The following NAP1L4 variants were observed in gnomAD, a reference collection of about 807,000 sequenced individuals.
NAP1L4 encodes the protein nucleosome assembly protein 1-like 4.
A neutral mutation model predicts 58.2 loss-of-function variants in NAP1L4; 15 were observed. That is an observed-to-expected ratio of 0.26 (90% CI 0.17 to 0.40). NAP1L4 has a LOEUF of 0.40. NAP1L4 is among the 10% of genes least tolerant of loss of function. NAP1L4 has a pLI of 1.00. For synonymous variants in NAP1L4, 171 were observed against 155.6 expected (o/e 1.10, Z -0.74); for missense variants, 384 against 451.1 (o/e 0.85, Z 1.35).
chr11:2,982,870 A>C (rs910117401), intron 1 of NAP1L4, among the ~76,000 whole-genome samples: 2 of 152,070 alleles, frequency 1.3e-5, no homozygotes, highest in African/African-American at 4.8e-5. Context: ...AAAATACAAA[A>C]ATTAGCTGGG....
intron 10 of NAP1L4, among the ~76,000 whole-genome samples, chr11:2,956,402 C>T (rs1007788099): frequency 6.6e-6 from 1 of 152,076 alleles, no homozygotes; most frequent in Non-Finnish European, 1.5e-5. Context: ...GTAGAAGATC[C>T]AACCCCCTGA....
At chr11:2,989,698 CA>C (rs1415683710) in intron 1 of NAP1L4, among the ~76,000 whole-genome samples, 1 of 152,182 alleles carries the variant, frequency 6.6e-6, no homozygotes, top group Non-Finnish European at 1.5e-5. Flanking sequence ...GAATAGCTAA[CA>C]AAGGGAATTA....
At position 2,970,853 on chromosome 11, in the gene NAP1L4, C is replaced by CG. The variant is rs1487839450; in HGVS notation, c.402+594_402+595insC. Among the ~76,000 whole-genome samples the CG allele has an allele frequency of 2.1e-4, 23 of 107,638 alleles. 1 individual carries two copies. The South Asian group carries it at 0.01, about 49-fold the overall frequency. 70.6% of individuals were successfully genotyped at this position (107,638 alleles called of 152,430 possible). On this transcript the variant is annotated intron_variant, in intron 6 of 15. Coordinates refer to ENST00000380542, the MANE Select transcript of NAP1L4 (RefSeq NM_005969.4). Reference sequence around the variant, plus strand: ...TACCAAAATCATCATATACCACCCCCCCCCCAAAAAAAAAACTGCAAAAAG... The same window carrying CG: ...TACCAAAATCATCATATACCACCCCCGCCCCCAAAAAAAAAACTGCAAAAAG...
chr11:2,983,518 G>A lies in NAP1L4; in HGVS notation c.-17-4281C>T, dbSNP rs552101746. Among the ~76,000 whole-genome samples the A allele has an allele frequency of 5.9e-5, 9 of 151,788 alleles. 1 individual carries two copies. Among genetic ancestry groups the A allele is most frequent in the South Asian group, 2.1e-4 (1 of 4,802 alleles). ...AGGACAGAGGCACCATGCCCAGCCC[G>A]GCATGTGCTGTTTAATACAATTTTT... is the stretch of plus-strand genomic sequence containing the variant. On this transcript the variant is annotated intron_variant, in intron 1 of 15. Coordinates refer to ENST00000380542, the MANE Select transcript of NAP1L4 (RefSeq NM_005969.4).
At chr11:2,963,760 C>T (rs745515081) in intron 8 of NAP1L4, 5 of 519,184 alleles carry the variant, frequency 9.6e-6, no homozygotes, top group African/African-American at 3.8e-5. Context: ...ACCCACAGCC[C>T]GTCATGCAGC....
At chr11:2,945,934 G>A (rs1364021007) in intron 15 of NAP1L4, among the ~76,000 whole-genome samples, 6 of 152,110 alleles carry the variant, frequency 3.9e-5, no homozygotes, top group African/African-American at 1.4e-4. Context: ...GGAGCTCCAG[G>A]GGCCTGCCCA....
intron 8 of NAP1L4, among the ~76,000 whole-genome samples, chr11:2,960,894 C>A (rs139551466): frequency 3.9e-5 from 6 of 152,292 alleles, no homozygotes; most frequent in African/African-American, 1.2e-4. Flanking sequence ...ACCAGTTCTA[C>A]GCTCAGACAG....
intron 1 of NAP1L4, among the ~76,000 whole-genome samples, chr11:2,987,641 C>T (rs907397132): frequency 1.3e-5 from 2 of 149,308 alleles, no homozygotes; most frequent in African/African-American, 5.1e-5. Flanking sequence ...CCTGTAATCC[C>T]AGCTACTTGG....
intron 4 of NAP1L4, among the ~76,000 whole-genome samples, chr11:2,972,890 G>A (rs982150090): frequency 2.0e-5 from 3 of 152,162 alleles, no homozygotes; most frequent in African/African-American, 7.2e-5. Context: ...AGGATCACTT[G>A]AGTCTGTGAG....
intron 15 of NAP1L4, among the ~76,000 whole-genome samples, chr11:2,947,296 T>C (rs1845985665): frequency 6.6e-6 from 1 of 152,226 alleles, no homozygotes; most frequent in Non-Finnish European, 1.5e-5. Flanking sequence ...GTAGTATTCA[T>C]CTGTCCTAAA....
At chr11:2,945,751 G>C (rs1296567268) in intron 15 of NAP1L4, 105 bp from the exon 16 acceptor site, 67 of 887,668 alleles carry the variant, frequency 7.5e-5, no homozygotes, top group Non-Finnish European at 1.1e-4. Flanking sequence ...CATTCTCATT[G>C]AAAAAAATGG....
rs773977531 is a variant in NAP1L4, at chr11:2,951,843, C to T, written c.1036-34G>A. 3.1e-6 allele frequency: 5 copies of T among 1,606,050 alleles called. No homozygotes were observed. The African/African-American group carries it at 5.4e-5, about 17-fold the overall frequency. ...ACACAGAAAAACATTTTTAGGTTTA[C>T]AAAACATGACAGCAGCCTGCCCAAG... On this transcript the variant is annotated intron_variant, in intron 12 of 15. Coordinates refer to ENST00000380542, the MANE Select transcript of NAP1L4 (RefSeq NM_005969.4). The surrounding 1 kb of genome is among the most constrained non-coding windows in gnomAD (Gnocchi z 4.0).
chr11:2,984,558 C>T (rs1172773606), intron 1 of NAP1L4, among the ~76,000 whole-genome samples: 2 of 152,156 alleles, frequency 1.3e-5, no homozygotes, highest in African/African-American at 2.4e-5. Flanking sequence ...GCAACAAGAG[C>T]GAAACTCTGT....
intron 7 of NAP1L4, among the ~76,000 whole-genome samples, chr11:2,969,284 T>C (rs932619852): frequency 6.6e-6 from 1 of 151,950 alleles, no homozygotes. Context: ...GCCTCTTTTT[T>C]TAAAAAAAAT....
intron 4 of NAP1L4, among the ~76,000 whole-genome samples, chr11:2,975,097 G>A (rs1029789491): frequency 2.6e-5 from 4 of 151,568 alleles, no homozygotes; most frequent in Non-Finnish European, 5.9e-5. Flanking sequence ...GGGCCTCCTG[G>A]GAGACCAAGC....
At chr11:2,961,198 C>T (rs898913571) in intron 8 of NAP1L4, among the ~76,000 whole-genome samples, 1 of 151,966 alleles carries the variant, frequency 6.6e-6, no homozygotes. Context: ...ACCACTTGCA[C>T]AAAGGAGAAG....
intron 12 of NAP1L4, among the ~76,000 whole-genome samples, chr11:2,953,430 T>C (rs1463351565): frequency 6.6e-6 from 1 of 152,220 alleles, no homozygotes; most frequent in Non-Finnish European, 1.5e-5. Context: ...TCAGCAGCCA[T>C]ATTTCAAGTC....
In NAP1L4 at chr11:2,955,036, CAG is replaced by C. The variant is rs1325677390; in HGVS notation, c.916-392_916-391del. On this transcript the variant is annotated intron_variant, in intron 11 of 15. Coordinates refer to ENST00000380542, the MANE Select transcript of NAP1L4 (RefSeq NM_005969.4). The surrounding 1 kb of genome is among the most constrained non-coding windows in gnomAD (Gnocchi z 4.2). ...ATGTGTAATGATTTCAAATTAATCC[CAG>C]AGTTTTAGGAAACAGAAATGGATTT... Among the ~76,000 whole-genome samples the C allele has an allele frequency of 6.6e-6, 1 of 152,088 alleles. No homozygotes were observed. Among genetic ancestry groups the C allele is most frequent in the Non-Finnish European group, 1.5e-5 (1 of 68,032 alleles).
At chr11:2,960,025 C>A in intron 8 of NAP1L4, 116 bp from the exon 9 acceptor site, 1 of 1,089,190 alleles carries the variant, frequency 9.2e-7, no homozygotes, top group Non-Finnish European at 1.3e-6. Context: ...ACAGATAGGG[C>A]CATGAACAAG....
Sources: gnomAD v4.1 joint callset for allele counts (sites outside exome capture counted in the v4.1 genomes callset) on GRCh38, gnomAD v4.1.1 for gene constraint, Gnocchi (gnomAD v3.1) non-coding constraint, MANE v1.5 for transcripts, NCBI Gene and HGNC (gene_info 2026-07-23, HGNC 2026-07-21) for gene names.